BLVRA: variants seen among roughly 807,000 people sequenced by gnomAD.
The protein encoded by BLVRA is BVR A.
In BLVRA, 22 loss-of-function variants were observed where a neutral mutation model predicts 32.8. The ratio of observed to expected loss-of-function variants is 0.67; its 90% CI spans 0.48 to 0.96. BLVRA has a LOEUF of 0.96. BLVRA is among the 40% of genes least tolerant of loss of function. BLVRA has a pLI of 0.00. For missense variants in BLVRA, 323 were observed against 358.1 expected (o/e 0.90, Z 0.79); for synonymous variants, 119 against 141.3 (o/e 0.84, Z 1.12).
intron 5 of BLVRA, among the ~76,000 whole-genome samples, chr7:43,798,600 T>G (rs1436676078): frequency 1.3e-5 from 2 of 152,238 alleles, no homozygotes; most frequent in Admixed American, 1.3e-4. Flanking sequence ...GTTTCCATTA[T>G]TCTTTGAATT....
rs1165481692 is a variant in BLVRA, at chr7:43,787,379, A to C, written c.13-525A>C. Among the ~76,000 whole-genome samples, 1 of 152,202 alleles carries C rather than the reference A, an allele frequency of 6.6e-6. No individual in the cohort carries two copies. The highest frequency in any genetic ancestry group is 2.4e-5 in the African/African-American group (1 of 41,446). On this transcript the variant is annotated intron_variant, in intron 2 of 7. Transcript: ENST00000265523. The surrounding 1 kb of genome is among the most constrained non-coding windows in gnomAD (Gnocchi z 4.5). Reference sequence around the variant, plus strand: ...CAGTATCTTAAATGTGGAACTCAGAAGGCTGTAGTGAAGAGTCAAAGCCTC... The same window carrying C: ...CAGTATCTTAAATGTGGAACTCAGACGGCTGTAGTGAAGAGTCAAAGCCTC...
intron 1 of BLVRA, among the ~76,000 whole-genome samples, chr7:43,762,675 G>GGT (rs941584437): frequency 1.4e-5 from 2 of 147,402 alleles, no homozygotes; most frequent in Non-Finnish European, 3.0e-5. Context: ...GCAGTGGGAC[G>GGT]GTCTCGGCTC....
chr7:43,765,015 C>T (rs1395272173), intron 1 of BLVRA, among the ~76,000 whole-genome samples: 2 of 152,114 alleles, frequency 1.3e-5, no homozygotes, highest in Non-Finnish European at 2.9e-5. Flanking sequence ...TCTGTGTGCA[C>T]CTGAGCCCGT....
chr7:43,791,759 C>T, intron 4 of BLVRA: 1 of 216,644 alleles, frequency 4.6e-6, no homozygotes, highest in Non-Finnish European at 9.5e-6. Context: ...TTTGGATCAG[C>T]TTCCAACGTT....
chr7:43,762,926 G>C (rs539578632), intron 1 of BLVRA, among the ~76,000 whole-genome samples: 1 of 151,976 alleles, frequency 6.6e-6, no homozygotes, highest in Non-Finnish European at 1.5e-5. Context: ...CCTTAACCCA[G>C]TAGTTGTTAC....
chr7:43,807,101 A>G lies in BLVRA; in HGVS notation c.757A>G (p.Lys253Glu). The G allele has an allele frequency of 6.2e-7, 1 of 1,614,224 alleles. No individual in the cohort carries two copies. The highest frequency in any genetic ancestry group is 8.5e-7 in the Non-Finnish European group (1 of 1,180,048). Residue 253 changes from lysine (K) to glutamate (E), a missense_variant, in exon 8 of 8, where the codon AAA becomes GAA. By Grantham distance (56) the Lys-to-Glu change is moderately conservative. Transcript: ENST00000265523. ...AGGAGTGAATAAGAACATATTTCTGAAAGATCAAAATATATTTGTCCAGAA... is the reference window on the plus strand; with the variant it reads ...AGGAGTGAATAAGAACATATTTCTGGAAGATCAAAATATATTTGTCCAGAA... Reference protein sequence around the residue: ...NVGVNKNIFLKDQNIFVQKLL... With the variant: ...NVGVNKNIFLEDQNIFVQKLL...
intron 1 of BLVRA, chr7:43,760,138 G>A (rs1484352565): frequency 6.6e-6 from 1 of 151,926 alleles, no homozygotes; most frequent in Non-Finnish European, 1.5e-5. Flanking sequence ...GCCTCCCAAA[G>A]TGCTGGGATT....
chr7:43,801,076 T>C (rs1335538468), intron 6 of BLVRA, among the ~76,000 whole-genome samples: 1 of 152,188 alleles, frequency 6.6e-6, no homozygotes, highest in Non-Finnish European at 1.5e-5. Flanking sequence ...CATAGCTCAC[T>C]GTAGCCTCAA....
At chr7:43,786,645 A>G (rs2095777945) in intron 2 of BLVRA, among the ~76,000 whole-genome samples, 1 of 152,242 alleles carries the variant, frequency 6.6e-6, no homozygotes, top group African/African-American at 2.4e-5. Context: ...AAAATATCTC[A>G]ATAAATCTAA....
At chr7:43,783,846 T>C (rs1478993374) in intron 2 of BLVRA, among the ~76,000 whole-genome samples, 1 of 152,206 alleles carries the variant, frequency 6.6e-6, no homozygotes, top group Non-Finnish European at 1.5e-5. Flanking sequence ...ACGACTAGTT[T>C]GTTCTGTCCA....
At chr7:43,792,218 A>T (rs1344786746) in intron 4 of BLVRA, among the ~76,000 whole-genome samples, 1 of 152,140 alleles carries the variant, frequency 6.6e-6, no homozygotes, top group Non-Finnish European at 1.5e-5. Context: ...ACAAAGCCCC[A>T]CAAATGCCCA....
chr7:43,761,847 A>G (rs948592614), intron 1 of BLVRA, among the ~76,000 whole-genome samples: 2 of 152,236 alleles, frequency 1.3e-5, no homozygotes, highest in Non-Finnish European at 1.5e-5. Context: ...AGTAGTCACT[A>G]AAAGTTTCAC....
In BLVRA at chr7:43,771,269, C is replaced by T. The variant is rs563555012; in HGVS notation, c.12+99C>T. ...CCATTCCCTTTCAGAAACATCAGCA[C>T]AAACTTGAGAACATTTCCCCTCTAG... On this transcript the variant is annotated intron_variant, in intron 2 of 7. Transcript: ENST00000265523. The T allele has an allele frequency of 2.5e-5, 35 of 1,405,038 alleles. No homozygotes were observed. In the South Asian group the frequency reaches 3.0e-4, roughly 12 times the overall value. The allele number at this position is 1,405,038 out of a possible 1,614,324, so 87.0% of individuals were successfully genotyped here. A position where few individuals can be genotyped will look rare whatever the true frequency, so the allele number is the denominator to read the frequency against.
chr7:43,759,183 G>A (rs2095739688), intron 1 of BLVRA, among the ~76,000 whole-genome samples: 1 of 152,252 alleles, frequency 6.6e-6, no homozygotes, highest in African/African-American at 2.4e-5. Flanking sequence ...GGTCTGCTCC[G>A]CTGGGGCGAA....
At chr7:43,785,001 T>C (rs2095775330) in intron 2 of BLVRA, among the ~76,000 whole-genome samples, 1 of 152,194 alleles carries the variant, frequency 6.6e-6, no homozygotes, top group South Asian at 2.1e-4. Flanking sequence ...CCTGACACAC[T>C]GTGCAAGCCA....
chr7:43,774,698 G>A (rs1375009995), intron 2 of BLVRA, among the ~76,000 whole-genome samples: 1 of 152,114 alleles, frequency 6.6e-6, no homozygotes, highest in African/African-American at 2.4e-5. Flanking sequence ...AGCTTGATGG[G>A]GATGGCATTG....
intron 7 of BLVRA, among the ~76,000 whole-genome samples, chr7:43,805,574 C>T (rs1261156622): frequency 6.6e-6 from 1 of 152,074 alleles, no homozygotes; most frequent in Non-Finnish European, 1.5e-5. Context: ...TGAGCCACTG[C>T]ACCCAGCCCT....
intron 3 of BLVRA, among the ~76,000 whole-genome samples, chr7:43,790,766 G>A (rs530307512): frequency 2.0e-5 from 3 of 152,220 alleles, no homozygotes; most frequent in South Asian, 2.1e-4. Flanking sequence ...TCCATCTCCC[G>A]GATTCAAGTG....
At chr7:43,791,617 A>T in intron 4 of BLVRA, 3 of 478,940 alleles carry the variant, frequency 6.3e-6, no homozygotes, top group South Asian at 4.4e-5. Flanking sequence ...AAACATTCAG[A>T]ATTAAAGTGT....
Sources: gnomAD v4.1 joint callset for allele counts (sites outside exome capture counted in the v4.1 genomes callset) on GRCh38, gnomAD v4.1.1 for gene constraint, Gnocchi (gnomAD v3.1) non-coding constraint, MANE v1.5 for transcripts, NCBI Gene and HGNC (gene_info 2026-07-23, HGNC 2026-07-21) for gene names.